Variants in SNX3 observed in about 807,000 individuals in gnomAD.
SNX3 encodes the protein sorting nexin 3.
Under a neutral mutation model 17.7 loss-of-function variants are expected in SNX3, and 5 were observed. The ratio of observed to expected loss-of-function variants is 0.28; its 90% CI spans 0.15 to 0.59. The LOEUF is 0.59. SNX3 is among the 20% of genes least tolerant of loss of function. The probability of loss-of-function intolerance (pLI) is 0.88; values close to 1 mark genes in which losing one functional copy is unlikely to be tolerated. For synonymous variants in SNX3, 91 were observed against 76.5 expected (o/e 1.19, Z -0.99); for missense variants, 132 against 206.8 (o/e 0.64, Z 2.22).
chr6:108,239,123 G>A lies in SNX3; in HGVS notation c.163-16078C>T, dbSNP rs1312874260. ...TCGCCACATTGGCCAGGCTGTTCTC[G>A]AACTCCTGACCTCAGGTGATCCACC... On this transcript the variant is annotated intron_variant, in intron 1 of 3. Transcript: ENST00000230085. Among the ~76,000 whole-genome samples the A allele has an allele frequency of 2.0e-5, 3 of 152,086 alleles. No individual in the cohort carries two copies. The East Asian group carries it at 5.8e-4, about 29-fold the overall frequency.
chr6:108,228,773 T>C (rs1299245506), intron 1 of SNX3, among the ~76,000 whole-genome samples: 5 of 152,060 alleles, frequency 3.3e-5, no homozygotes, highest in Non-Finnish European at 2.9e-5. Flanking sequence ...AATGAACAAT[T>C]TCAATGGGAA....
intron 1 of SNX3, among the ~76,000 whole-genome samples, chr6:108,243,301 A>G (rs975488163): frequency 2.0e-5 from 3 of 152,110 alleles, no homozygotes; most frequent in African/African-American, 7.2e-5. Context: ...AATTGTGGTA[A>G]TTTTTAATTC....
rs377245221 is a variant in SNX3 at position 108,241,099 on chromosome 6, G to A, written c.163-18054C>T. Reference sequence around the variant, plus strand: ...GGAGGTTGCAGTGAACCACGATTGCGCGCCACTGCACTCGAGCCTGAGCGA... The same window carrying A: ...GGAGGTTGCAGTGAACCACGATTGCACGCCACTGCACTCGAGCCTGAGCGA... On this transcript the variant is annotated intron_variant, in intron 1 of 3. Coordinates refer to ENST00000230085, the MANE Select transcript of SNX3 (RefSeq NM_003795.6). Among the ~76,000 whole-genome samples, 22 of 140,032 alleles carry A rather than the reference G, an allele frequency of 1.6e-4. No individual in the cohort carries two copies. The East Asian group carries it at 1.9e-3, about 12-fold the overall frequency. The allele number at this position is 140,032 out of a possible 152,430, so 91.9% of individuals were successfully genotyped here. A position where few individuals can be genotyped will look rare whatever the true frequency, so the allele number is the denominator to read the frequency against.
intron 2 of SNX3, among the ~76,000 whole-genome samples, chr6:108,215,848 C>A (rs1042356790): frequency 6.6e-6 from 1 of 152,078 alleles, no homozygotes; most frequent in African/African-American, 2.4e-5. Context: ...GGGATGATCA[C>A]TTGAGTCCAG....
Position 108,260,936 on chromosome 6 carries a change from T to TGCC in SNX3, c.-18_-16dup, listed in dbSNP as rs753489451. On this transcript the variant is annotated 5_prime_UTR_variant, in exon 1 of 4. Coordinates refer to ENST00000230085, the MANE Select transcript of SNX3 (RefSeq NM_003795.6). ...GTCTCCGCCATTTCGCTGTAGCTGC[T>TGCC]GCCGCCGCCGCGGGCTCCCTCCGCC... 2.2e-5 allele frequency: 34 copies of TGCC among 1,554,612 alleles called. No homozygotes were observed. Among genetic ancestry groups the TGCC allele is most frequent in the East Asian group, 2.5e-5 (1 of 39,290 alleles).
chr6:108,251,212 TACTC>T (rs1267790077), intron 1 of SNX3, among the ~76,000 whole-genome samples: 4 of 152,258 alleles, frequency 2.6e-5, no homozygotes, highest in Admixed American at 2.6e-4. Context: ...AATCAAAACT[TACTC>T]ACTTAAGACT....
intron 1 of SNX3, among the ~76,000 whole-genome samples, chr6:108,235,752 C>T (rs757339999): frequency 1.3e-5 from 2 of 152,028 alleles, no homozygotes; most frequent in African/African-American, 4.8e-5. Context: ...AAAAATTAGC[C>T]GGGCATGGTG....
At chr6:108,217,474 G>A (rs1302489087) in intron 2 of SNX3, among the ~76,000 whole-genome samples, 1 of 152,122 alleles carries the variant, frequency 6.6e-6, no homozygotes, top group Non-Finnish European at 1.5e-5. Flanking sequence ...CTAACACCAG[G>A]TTGGGTGCGG....
chr6:108,216,203 G>T (rs1259365333), intron 2 of SNX3, among the ~76,000 whole-genome samples: 1 of 152,058 alleles, frequency 6.6e-6, no homozygotes, highest in East Asian at 1.9e-4. Flanking sequence ...CTCCCAAATA[G>T]CCGGGACACT....
intron 1 of SNX3, among the ~76,000 whole-genome samples, chr6:108,226,836 G>C (rs1447431430): frequency 6.6e-6 from 1 of 152,040 alleles, no homozygotes; most frequent in Non-Finnish European, 1.5e-5. Flanking sequence ...GATGCTATTG[G>C]GCATAACAGT....
chr6:108,233,827 T>G (rs569782268), intron 1 of SNX3, among the ~76,000 whole-genome samples: 1 of 152,306 alleles, frequency 6.6e-6, no homozygotes, highest in East Asian at 1.9e-4. Flanking sequence ...TTAGCTTAGC[T>G]GGGACAGATA....
chr6:108,217,658 G>A (rs1044554810), intron 2 of SNX3, among the ~76,000 whole-genome samples: 1 of 151,854 alleles, frequency 6.6e-6, no homozygotes, highest in Non-Finnish European at 1.5e-5. Flanking sequence ...AGGAGGCTGA[G>A]GAGAATTGCT....
intron 1 of SNX3, among the ~76,000 whole-genome samples, chr6:108,235,044 G>A (rs1775281592): frequency 6.6e-6 from 1 of 152,206 alleles, no homozygotes. Context: ...AAGGAACACT[G>A]CAGTAGTAGT....
At chr6:108,213,086 C>T (rs1774457562) in intron 3 of SNX3, among the ~76,000 whole-genome samples, 1 of 151,204 alleles carries the variant, frequency 6.6e-6, no homozygotes, top group Admixed American at 6.6e-5. Context: ...CAGGGTTTCG[C>T]CATGTTGGCC....
At chr6:108,231,342 C>T (rs1173530553) in intron 1 of SNX3, among the ~76,000 whole-genome samples, 1 of 152,206 alleles carries the variant, frequency 6.6e-6, no homozygotes, top group African/African-American at 2.4e-5. Flanking sequence ...GCCTCAACCT[C>T]CCAAAGTGCT....
chr6:108,224,709 A>T (rs1296612944), intron 1 of SNX3, among the ~76,000 whole-genome samples: 1 of 152,232 alleles, frequency 6.6e-6, no homozygotes, highest in East Asian at 1.9e-4. Context: ...AAGCAGGGAA[A>T]GTGCTGCATA....
intron 1 of SNX3, among the ~76,000 whole-genome samples, chr6:108,240,203 T>G (rs1775473766): frequency 6.6e-6 from 1 of 152,052 alleles, no homozygotes; most frequent in Non-Finnish European, 1.5e-5. Context: ...AGAGCAGAAG[T>G]CTGTGTGTGG....
chr6:108,257,290 G>A (rs1776058565), intron 1 of SNX3, among the ~76,000 whole-genome samples: 1 of 152,060 alleles, frequency 6.6e-6, no homozygotes, highest in Non-Finnish European at 1.5e-5. Flanking sequence ...AGACTGAGAG[G>A]GGGAGGGCCA....
chr6:108,223,024 G>C lies in SNX3; in HGVS notation c.184C>G (p.Leu62Val). The change falls in exon 2 of 4, where the codon CTG (leucine) becomes GTG (valine). Residue 62 changes from leucine (L) to valine (V), a missense_variant. Transcript: ENST00000230085. Reference sequence around the variant, plus strand: ...CTTCTTCTAACAGTAGATTCTTTCAGCTTGAAAATAGGAAGATTTGTCTGA... The same window carrying C: ...CTTCTTCTAACAGTAGATTCTTTCACCTTGAAAATAGGAAGATTTGTCTGA... The part of the protein sequence containing the change: ...RVKTNLPIFK[L>V]KESTVRRRYS... The C allele has an allele frequency of 6.2e-7, 1 of 1,603,318 alleles. No homozygotes were observed. The highest frequency in any genetic ancestry group is 8.5e-7 in the Non-Finnish European group (1 of 1,173,018).
Sources: allele counts gnomAD v4.1 joint callset (sites outside exome capture counted in the v4.1 genomes callset), GRCh38; gene constraint gnomAD v4.1.1; transcripts MANE v1.5; gene names NCBI Gene and HGNC (gene_info 2026-07-23, HGNC 2026-07-21).